Variants in CUL1 observed in about 807,000 individuals in gnomAD.
The protein encoded by CUL1 is cullin-1.
CUL1 carries 24 observed loss-of-function variants against 118.0 expected under a neutral mutation model. That is an observed-to-expected ratio of 0.20 (90% CI 0.15 to 0.29). CUL1 has a LOEUF of 0.29. Ranked by LOEUF, CUL1 falls within the 10% of genes least tolerant of loss-of-function variation. The pLI, the probability that CUL1 is intolerant of heterozygous loss-of-function variation, is 1.00. For synonymous variants in CUL1, 332 were observed against 340.4 expected (o/e 0.98, Z 0.27); for missense variants, 361 against 933.8 (o/e 0.39, Z 7.99).
At chr7:148,750,699 C>T (rs893386307) in intron 2 of CUL1, among the ~76,000 whole-genome samples, 1 of 152,120 alleles carries the variant, frequency 6.6e-6, no homozygotes, top group Non-Finnish European at 1.5e-5. Flanking sequence ...GAAGTTAATG[C>T]TTGTGTCAAA....
chr7:148,758,279 A>G (rs1799722507), intron 4 of CUL1, among the ~76,000 whole-genome samples: 1 of 152,236 alleles, frequency 6.6e-6, no homozygotes, highest in South Asian at 2.1e-4. Context: ...TTAAAATGTC[A>G]GATTCTACAT....
chr7:148,739,657 A>G (rs1799077792), intron 2 of CUL1, among the ~76,000 whole-genome samples: 1 of 152,166 alleles, frequency 6.6e-6, no homozygotes. Flanking sequence ...ATATTTTGCT[A>G]ATATTTTCTT....
intron 1 of CUL1, among the ~76,000 whole-genome samples, chr7:148,712,793 G>A (rs967965528): frequency 6.6e-6 from 1 of 152,214 alleles, no homozygotes; most frequent in South Asian, 2.1e-4. Flanking sequence ...CACACTGCCA[G>A]TGACTTGTGG....
intron 9 of CUL1, among the ~76,000 whole-genome samples, chr7:148,777,268 T>A (rs942401577): frequency 2.0e-5 from 3 of 152,148 alleles, no homozygotes; most frequent in African/African-American, 7.2e-5. Context: ...ATCAAAGATT[T>A]AAAAATTGTG....
intron 2 of CUL1, among the ~76,000 whole-genome samples, chr7:148,748,887 C>T (rs1799389093): frequency 6.6e-6 from 1 of 152,046 alleles, no homozygotes; most frequent in Non-Finnish European, 1.5e-5. Flanking sequence ...CTGTTTAACT[C>T]TTAGAACGAA....
chr7:148,786,164 G>C (rs1800807599), intron 11 of CUL1, among the ~76,000 whole-genome samples: 1 of 152,182 alleles, frequency 6.6e-6, no homozygotes, highest in Non-Finnish European at 1.5e-5. Flanking sequence ...CCATGAAAGG[G>C]AATCTATGTG....
intron 9 of CUL1, among the ~76,000 whole-genome samples, chr7:148,768,636 T>C (rs1293418399): frequency 6.6e-6 from 1 of 152,058 alleles, no homozygotes; most frequent in Non-Finnish European, 1.5e-5. Context: ...TCGCCCGCCT[T>C]GGCCTCCCAA....
At chr7:148,737,402 T>A (rs243508) in intron 2 of CUL1, among the ~76,000 whole-genome samples, 47,414 of 151,614 alleles carry the variant, frequency 0.31, 8,142 homozygotes, top group South Asian at 0.48. Flanking sequence ...ATATTTCTTT[T>A]CAGAAATGCA....
intron 2 of CUL1, among the ~76,000 whole-genome samples, chr7:148,739,890 T>G (rs1260647056): frequency 6.6e-6 from 1 of 152,210 alleles, no homozygotes; most frequent in Non-Finnish European, 1.5e-5. Flanking sequence ...GAGTTAACTT[T>G]TGTATATGGT....
chr7:148,761,795 A>T (rs1227306539), intron 7 of CUL1, among the ~76,000 whole-genome samples: 1 of 152,184 alleles, frequency 6.6e-6, no homozygotes, highest in Non-Finnish European at 1.5e-5. Context: ...CTGACCCTTG[A>T]CCTAGCTGTA....
At chr7:148,717,929 C>T (rs1798270404) in intron 1 of CUL1, among the ~76,000 whole-genome samples, 1 of 152,218 alleles carries the variant, frequency 6.6e-6, no homozygotes, top group South Asian at 2.1e-4. Flanking sequence ...ACATCTCTTC[C>T]AATACCTGCA....
intron 7 of CUL1, among the ~76,000 whole-genome samples, chr7:148,761,377 G>T (rs1395715954): frequency 6.6e-6 from 1 of 152,162 alleles, no homozygotes; most frequent in Non-Finnish European, 1.5e-5. Flanking sequence ...TGGGCATGGT[G>T]GCACGTGCCT....
At chr7:148,769,835 G>C (rs1475793260) in intron 9 of CUL1, among the ~76,000 whole-genome samples, 1 of 152,050 alleles carries the variant, frequency 6.6e-6, no homozygotes, top group Non-Finnish European at 1.5e-5. Context: ...TTCGGGACCA[G>C]CTAGGGCAAT....
At chr7:148,703,949 A>C (rs1256195001) in intron 1 of CUL1, among the ~76,000 whole-genome samples, 3 of 152,206 alleles carry the variant, frequency 2.0e-5, no homozygotes, top group Admixed American at 1.3e-4. Context: ...TGGCGATCTC[A>C]AGATGGAGAA....
intron 1 of CUL1, among the ~76,000 whole-genome samples, chr7:148,700,903 T>C (rs887606505): frequency 1.3e-5 from 2 of 152,170 alleles, no homozygotes; most frequent in Non-Finnish European, 2.9e-5. Context: ...ACTCCTAATG[T>C]GTGTACCACA....
intron 1 of CUL1, among the ~76,000 whole-genome samples, chr7:148,709,735 G>A (rs1023732140): frequency 6.6e-6 from 1 of 152,220 alleles, no homozygotes; most frequent in African/African-American, 2.4e-5. Flanking sequence ...CAGCTAGGGT[G>A]GTGACAGAAA....
chr7:148,729,838 T>C (rs1563152384), intron 1 of CUL1, 124 bp from the exon 2 acceptor site: 1 of 309,228 alleles, frequency 3.2e-6, no homozygotes, highest in African/African-American at 2.2e-5. Flanking sequence ...ATGAATGTGT[T>C]TGCACATAGA....
intron 2 of CUL1, among the ~76,000 whole-genome samples, chr7:148,746,558 C>T (rs1563157329): frequency 6.6e-6 from 1 of 152,038 alleles, no homozygotes; most frequent in Non-Finnish European, 1.5e-5. Context: ...CTTAGTGGCT[C>T]GGAGGACAAC....
chr7:148,736,733 AAAC>A (rs1464237822), intron 2 of CUL1, among the ~76,000 whole-genome samples: 1 of 152,248 alleles, frequency 6.6e-6, no homozygotes, highest in Non-Finnish European at 1.5e-5. Flanking sequence ...AAACAATGGA[AAAC>A]AACCTCAATC....
Sources: allele counts gnomAD v4.1 joint callset (sites outside exome capture counted in the v4.1 genomes callset), GRCh38; gene constraint gnomAD v4.1.1; transcripts MANE v1.5; gene names NCBI Gene and HGNC (gene_info 2026-07-23, HGNC 2026-07-21).